Variants in MALRD1 observed in about 807,000 individuals in gnomAD.
MALRD1 encodes MAM and LDL receptor class A domain containing 1, also known as MAM and LDL-receptor class A domain-containing protein 1.
MALRD1 carries 247 observed loss-of-function variants against 242.1 expected under a neutral mutation model. The ratio of observed to expected loss-of-function variants is 1.02; its 90% confidence interval spans 0.92 to 1.13. The LOEUF (loss-of-function observed/expected upper bound fraction) is 1.13. Ranked by LOEUF, MALRD1 falls within the 50% of genes most tolerant of loss-of-function variation. The pLI is 0.00. For missense variants in MALRD1, 2,989 were observed against 2,533.1 expected (o/e 1.18, Z -3.86); for synonymous variants, 995 against 866.6 (o/e 1.15, Z -2.60).
chr10:19,592,761 A>ACG (rs1491143912), intron 33 of MALRD1, among the ~76,000 whole-genome samples: 56 of 132,908 alleles, frequency 4.2e-4, no homozygotes, highest in African/African-American at 1.3e-3. Flanking sequence ...ACACACACAC[A>ACG]CGCACGCACA....
intron 26 of MALRD1, among the ~76,000 whole-genome samples, chr10:19,377,111 A>T (rs1177068691): frequency 6.6e-6 from 1 of 152,208 alleles, no homozygotes; most frequent in Non-Finnish European, 1.5e-5. Flanking sequence ...ATGCTGAGGC[A>T]TAAATAAAAC....
intron 36 of MALRD1, among the ~76,000 whole-genome samples, chr10:19,660,050 C>A (rs764406364): frequency 1.3e-5 from 2 of 152,070 alleles, no homozygotes; most frequent in Non-Finnish European, 2.9e-5. Context: ...TACCTTTGGG[C>A]CGTGTTTCTC....
intron 29 of MALRD1, among the ~76,000 whole-genome samples, chr10:19,477,938 C>G (rs971156572): frequency 6.6e-6 from 1 of 152,170 alleles, no homozygotes; most frequent in Admixed American, 6.5e-5. Context: ...GTTGAACATG[C>G]CTGGCTCCCA....
chr10:19,195,171 C>T (rs55654735), intron 14 of MALRD1, among the ~76,000 whole-genome samples: 25,461 of 152,108 alleles, frequency 0.17, 2,310 homozygotes, highest in Non-Finnish European at 0.2. Context: ...GAGCTTCAGC[C>T]ATCTACTAGG....
intron 19 of MALRD1, among the ~76,000 whole-genome samples, chr10:19,268,036 T>G (rs1052303607): frequency 2.0e-5 from 3 of 152,156 alleles, no homozygotes; most frequent in African/African-American, 7.2e-5. Flanking sequence ...TTGTTTCACA[T>G]TCTCTCTTAA....
rs543206822 is a variant in MALRD1, at chr10:19,281,148, A to G, written c.3256+925A>G. On this transcript the variant is annotated intron_variant, in intron 20 of 39. Coordinates refer to ENST00000454679, the MANE Select transcript of MALRD1 (RefSeq NM_001142308.3). The stretch of plus-strand genomic sequence containing the variant: ...ACCAATTAACTATCTAATCTAGACT[A>G]AAAAAGTCATAAAATCAAAGCTGAC... 6.1e-4 allele frequency among the ~76,000 whole-genome samples: 93 copies of G among 152,328 alleles called. 2 individuals are homozygous for G. The South Asian group carries it at 0.019, about 31-fold the overall frequency.
chr10:19,224,206 C>A (rs1239136265), intron 18 of MALRD1, among the ~76,000 whole-genome samples: 3 of 152,026 alleles, frequency 2.0e-5, no homozygotes, highest in Non-Finnish European at 2.9e-5. Context: ...CTCTCTAGCA[C>A]CTGTTGTTTC....
chr10:19,125,435 TTCTTTCTC>T, intron 7 of MALRD1, among the ~76,000 whole-genome samples: 1 of 147,918 alleles, frequency 6.8e-6, no homozygotes, highest in South Asian at 2.2e-4. Flanking sequence ...CTTTCTTTCT[TTCTTTCTC>T]TCTTTCAACA....
At chr10:19,156,804 T>C (rs533904521) in intron 12 of MALRD1, among the ~76,000 whole-genome samples, 2 of 152,248 alleles carry the variant, frequency 1.3e-5, no homozygotes, top group Admixed American at 1.3e-4. Context: ...CAGTTTATCA[T>C]TGTTTCCACT....
chr10:19,504,527 A>G (rs1304908840), intron 31 of MALRD1, among the ~76,000 whole-genome samples: 1 of 152,108 alleles, frequency 6.6e-6, no homozygotes, highest in African/African-American at 2.4e-5. Context: ...TTCCCAGACC[A>G]TTATTCCTGG....
At position 19,615,864 on chromosome 10, in the gene MALRD1, A is replaced by G. The variant is rs1407765610; in HGVS notation, c.6078A>G (p.Pro2026=). The change falls in exon 36 of 40, where the codon CCA becomes CCG. Residue 2026 remains proline, a synonymous_variant. Transcript: ENST00000454679. ...QLDESSCSEC[P]LNYCRNGGTC... ...TGTGATGCTTCTTTTTAGAATGTCCATTAAATTACTGCAGAAATGGTGGGA... is the reference window on the plus strand; with the variant it reads ...TGTGATGCTTCTTTTTAGAATGTCCGTTAAATTACTGCAGAAATGGTGGGA... The G allele has an allele frequency of 4.6e-6, 7 of 1,529,908 alleles. No homozygotes were observed. The Admixed American group carries it at 7.9e-5, about 17-fold the overall frequency. 94.8% of individuals were successfully genotyped at this position (1,529,908 alleles called of 1,614,324 possible).
chr10:19,148,171 A>G (rs192148623), intron 11 of MALRD1, among the ~76,000 whole-genome samples: 6 of 152,200 alleles, frequency 3.9e-5, no homozygotes, highest in African/African-American at 1.2e-4. Flanking sequence ...TGCTGAAGAA[A>G]TATCAGTGAG....
At chr10:19,320,631 T>C (rs1269435537) in intron 21 of MALRD1, among the ~76,000 whole-genome samples, 4 of 152,162 alleles carry the variant, frequency 2.6e-5, no homozygotes, top group Admixed American at 6.6e-5. Context: ...TTCTAGATCC[T>C]TGAGGAATTG....
chr10:19,384,114 T>C (rs1326781278), intron 26 of MALRD1, among the ~76,000 whole-genome samples: 1 of 151,226 alleles, frequency 6.6e-6, no homozygotes, highest in African/African-American at 2.4e-5. Context: ...ATTCCTCTGA[T>C]GATTCGTGAT....
intron 29 of MALRD1, among the ~76,000 whole-genome samples, chr10:19,476,068 C>T (rs906284536): frequency 2.0e-5 from 3 of 152,072 alleles, no homozygotes; most frequent in African/African-American, 7.2e-5. Flanking sequence ...GTGCACATAC[C>T]TTAAATAAAT....
chr10:19,238,893 T>G (rs1326544402), intron 18 of MALRD1, among the ~76,000 whole-genome samples: 1 of 151,944 alleles, frequency 6.6e-6, no homozygotes, highest in South Asian at 2.1e-4. Context: ...CTTGTTGTCT[T>G]TTACCTTTTT....
intron 10 of MALRD1, 27 bp downstream of exon 10, chr10:19,136,808 T>G (rs1833358634): frequency 8.3e-7 from 1 of 1,211,864 alleles, no homozygotes; most frequent in African/African-American, 1.6e-5. Context: ...CTTACTAGTT[T>G]ACATGCTCTA....
chr10:19,578,391 G>A (rs1041806528), intron 33 of MALRD1, among the ~76,000 whole-genome samples: 2 of 152,102 alleles, frequency 1.3e-5, no homozygotes, highest in Admixed American at 6.6e-5. Flanking sequence ...GAAAGCATGG[G>A]ATTAGAGAAA....
rs114809647 is a variant in MALRD1 at position 19,207,184 on chromosome 10, T to A, written c.2578+1919T>A. 8.5e-3 allele frequency among the ~76,000 whole-genome samples: 1,286 copies of A among 152,074 alleles called. 14 individuals carry two copies. Among genetic ancestry groups the A allele is most frequent in the African/African-American group, 0.029 (1,217 of 41,486 alleles). On this transcript the variant is annotated intron_variant, in intron 17 of 39. Coordinates refer to ENST00000454679, the MANE Select transcript of MALRD1 (RefSeq NM_001142308.3). ...GAATAAAGGACAGTTGACATTTATT[T>A]AAAAAAAACTAACATGTAAATGAAG...
Sources: allele counts gnomAD v4.1 joint callset (sites outside exome capture counted in the v4.1 genomes callset), GRCh38; gene constraint gnomAD v4.1.1; transcripts MANE v1.5; gene names NCBI Gene and HGNC (gene_info 2026-07-23, HGNC 2026-07-21).